The following AGMO variants were observed in gnomAD, a reference collection of about 807,000 sequenced individuals.
AGMO encodes glyceryl-ether monooxygenase.
In AGMO, 75 loss-of-function variants were observed where a neutral mutation model predicts 60.2. That is an observed-to-expected ratio of 1.25 (90% CI 1.03 to 1.51). AGMO has a LOEUF of 1.51. Ranked by LOEUF, AGMO falls within the 40% of genes most tolerant of loss-of-function variation. AGMO has a pLI of 0.00. For synonymous variants in AGMO, 261 were observed against 177.1 expected (o/e 1.47, Z -3.76); for missense variants, 763 against 525.5 (o/e 1.45, Z -4.42).
the AGMO span, among the ~76,000 whole-genome samples, chr7:15,132,689 A>G: frequency 1.3e-5 from 2 of 152,192 alleles, no homozygotes; most frequent in African/African-American, 4.8e-5. Context: ...GCTGAAGATC[A>G]ACTGGGGTGA....
intron 5 of AGMO, among the ~76,000 whole-genome samples, chr7:15,411,818 G>A (rs987993867): frequency 6.6e-6 from 1 of 151,762 alleles, no homozygotes. Flanking sequence ...CTTTCTTGAT[G>A]TGTTATTTAA....
At chr7:15,487,593 T>C (rs1782955599) in intron 3 of AGMO, among the ~76,000 whole-genome samples, 1 of 152,126 alleles carries the variant, frequency 6.6e-6, no homozygotes, top group South Asian at 2.1e-4. Flanking sequence ...GTTTAAATGT[T>C]TCAAACTCCC....
intron 3 of AGMO, among the ~76,000 whole-genome samples, chr7:15,494,499 T>C (rs1783168623): frequency 2.0e-5 from 3 of 152,214 alleles, no homozygotes; most frequent in Non-Finnish European, 2.9e-5. Context: ...TTACTATGTG[T>C]CGGCTAAAAT....
intron 12 of AGMO, among the ~76,000 whole-genome samples, chr7:15,262,370 T>C (rs1271545802): frequency 6.6e-6 from 1 of 151,984 alleles, no homozygotes; most frequent in African/African-American, 2.4e-5. Flanking sequence ...CTCAACCCCA[T>C]TTACAATAAC....
intron 12 of AGMO, 122 bp from the exon 13 acceptor site, chr7:15,201,481 T>TA: frequency 1.6e-6 from 1 of 635,532 alleles, no homozygotes; most frequent in Non-Finnish European, 2.6e-6. Flanking sequence ...GTCAAGTTAT[T>TA]AAATTAAATC....
chr7:15,163,253 T>A, the AGMO span, among the ~76,000 whole-genome samples: 1 of 152,208 alleles, frequency 6.6e-6, no homozygotes, highest in African/African-American at 2.4e-5. Context: ...AGATTTAAGA[T>A]CATTTTGTCA....
At position 15,201,140 on chromosome 7, in the gene AGMO, G is replaced by A. The variant is rs1303223928; in HGVS notation, c.*145C>T. On this transcript the variant is annotated 3_prime_UTR_variant, in exon 13 of 13. Coordinates refer to ENST00000342526, the MANE Select transcript of AGMO (RefSeq NM_001004320.2). Reference sequence around the variant, plus strand: ...TAATAGAAAATAACAAATGTGAAAGGCAAACAATAGTAAATAAGTAATTTT... The same window carrying A: ...TAATAGAAAATAACAAATGTGAAAGACAAACAATAGTAAATAAGTAATTTT... 9.9e-6 allele frequency: 5 copies of A among 504,308 alleles called. No individual in the cohort carries two copies. The highest frequency in any genetic ancestry group is 2.0e-5 in the African/African-American group (1 of 50,000). 31.2% of individuals were successfully genotyped at this position (504,308 alleles called of 1,614,324 possible). A position where few individuals can be genotyped will look rare whatever the true frequency, so the allele number is the denominator to read the frequency against.
rs1335532465 is a variant in AGMO at position 15,292,740 on chromosome 7, C to CT, written c.1263+72773dup. ...CAGCCTCTGGAAATACAGTCTCCTC[C>CT]TTTTTTTTTCCTTTTTTTTTTTTTT... On this transcript the variant is annotated intron_variant, in intron 12 of 12. Coordinates refer to ENST00000342526, the MANE Select transcript of AGMO (RefSeq NM_001004320.2). Among the ~76,000 whole-genome samples the CT allele has an allele frequency of 2.0e-4, 27 of 137,686 alleles. No individual in the cohort carries two copies. The East Asian group carries it at 2.7e-3, about 14-fold the overall frequency. 90.3% of individuals were successfully genotyped at this position (137,686 alleles called of 152,430 possible). A position where few individuals can be genotyped will look rare whatever the true frequency, so the allele number is the denominator to read the frequency against.
At chr7:15,350,207 T>C (rs930993113) in intron 12 of AGMO, among the ~76,000 whole-genome samples, 5 of 152,178 alleles carry the variant, frequency 3.3e-5, no homozygotes, top group African/African-American at 4.8e-5. Context: ...CAGTGTCAGA[T>C]AGTGTCATAG....
At chr7:15,140,990 A>C in the AGMO span, among the ~76,000 whole-genome samples, 1 of 152,166 alleles carries the variant, frequency 6.6e-6, no homozygotes, top group African/African-American at 2.4e-5. Flanking sequence ...ACGACCTTTC[A>C]GAGTAAATGT....
At chr7:15,154,007 T>C in the AGMO span, among the ~76,000 whole-genome samples, 3 of 152,164 alleles carry the variant, frequency 2.0e-5, no homozygotes, top group African/African-American at 4.8e-5. Context: ...CTATTCAACA[T>C]AGAACCAGAA....
chr7:15,505,442 G>A (rs369274528), intron 3 of AGMO, among the ~76,000 whole-genome samples: 3 of 152,020 alleles, frequency 2.0e-5, no homozygotes, highest in African/African-American at 7.2e-5. Flanking sequence ...TGCGTACTCA[G>A]GCATACAACT....
chr7:15,316,609 T>C (rs922351745), intron 12 of AGMO, among the ~76,000 whole-genome samples: 8 of 151,220 alleles, frequency 5.3e-5, no homozygotes, highest in Non-Finnish European at 1.2e-4. Context: ...CCAACAAATA[T>C]ACACACACAC....
intron 2 of AGMO, among the ~76,000 whole-genome samples, chr7:15,557,518 T>A (rs189339022): frequency 6.6e-6 from 1 of 150,788 alleles, no homozygotes; most frequent in African/African-American, 2.5e-5. Context: ...AAATTCTTCC[T>A]TTTTTTTTCT....
intron 12 of AGMO, among the ~76,000 whole-genome samples, chr7:15,270,881 G>A (rs913424565): frequency 1.7e-4 from 26 of 151,516 alleles, no homozygotes; most frequent in African/African-American, 5.1e-4. Flanking sequence ...TTCTTCATAT[G>A]GCTAGCCAAT....
intron 2 of AGMO, among the ~76,000 whole-genome samples, chr7:15,550,957 A>C: frequency 7.4e-6 from 1 of 135,398 alleles, no homozygotes; most frequent in African/African-American, 2.9e-5. Context: ...CACATCAAAA[A>C]GCTTATCCAC....
intron 10 of AGMO, among the ~76,000 whole-genome samples, chr7:15,377,926 T>C (rs1406866186): frequency 3.3e-5 from 5 of 152,044 alleles, no homozygotes; most frequent in Non-Finnish European, 7.4e-5. Flanking sequence ...ATAAAAGCTT[T>C]GGTCCAAAAA....
intron 5 of AGMO, among the ~76,000 whole-genome samples, chr7:15,412,336 T>C (rs1780637585): frequency 6.6e-6 from 1 of 151,968 alleles, no homozygotes; most frequent in Non-Finnish European, 1.5e-5. Flanking sequence ...AGTTTGTCAA[T>C]TACATCACTG....
At chr7:15,441,932 T>C (rs192864588) in intron 3 of AGMO, among the ~76,000 whole-genome samples, 1 of 152,320 alleles carries the variant, frequency 6.6e-6, no homozygotes, top group East Asian at 1.9e-4. Context: ...CAACAAAATC[T>C]TACCAGGATC....
Sources: allele counts gnomAD v4.1 joint callset (sites outside exome capture counted in the v4.1 genomes callset), GRCh38; gene constraint gnomAD v4.1.1; transcripts MANE v1.5; gene names NCBI Gene and HGNC (gene_info 2026-07-23, HGNC 2026-07-21).